COL4A2: variants seen among roughly 807,000 people sequenced by gnomAD.
The protein encoded by COL4A2 is collagen type IV alpha 2 chain.
COL4A2 carries 99 observed loss-of-function variants against 200.2 expected under a neutral mutation model. The ratio of observed to expected loss-of-function variants is 0.49; its 90% CI spans 0.42 to 0.58. The LOEUF is 0.58. COL4A2 is among the 20% of genes least tolerant of loss of function. The probability of loss-of-function intolerance (pLI) is 0.00; values close to 1 mark genes in which losing one functional copy is unlikely to be tolerated. For missense variants in COL4A2, 1,950 were observed against 2,314.1 expected (o/e 0.84, Z 3.23); for synonymous variants, 897 against 900.6 (o/e 1.00, Z 0.07).
rs144904781 is a variant in COL4A2 at position 110,492,640 on chromosome 13, T to A, written c.3562+463T>A. 1.3e-4 allele frequency among the ~76,000 whole-genome samples: 20 copies of A among 152,310 alleles called. No individual in the cohort carries two copies. In the East Asian group the frequency reaches 3.3e-3, roughly 25 times the overall value. ...TTGCTGTGTCCTGCTTTAGAAATAT[T>A]TACCCTCAGAAATCCAGAGGGAATG... On this transcript the variant is annotated intron_variant, in intron 38 of 47. Coordinates refer to ENST00000360467, the MANE Select transcript of COL4A2 (RefSeq NM_001846.4).
At position 110,504,184 on chromosome 13, in the gene COL4A2, G is replaced by A; in HGVS notation, c.4322G>A (p.Gly1441Glu). 6.2e-7 allele frequency: 1 copy of A among 1,614,200 alleles called. No individual in the cohort carries two copies. The highest frequency in any genetic ancestry group is 2.2e-5 in the East Asian group (1 of 44,878). The change falls in exon 45 of 48, where the codon GGA (glycine) becomes GAA (glutamate). Residue 1441 changes from glycine to glutamate, a missense_variant. Physicochemically the swap from Gly to Glu is moderately conservative, Grantham distance 98. This residue lies in a region of COL4A2 where 1,385 missense variants were observed against 1,720.5 expected (regional missense o/e 0.80). Transcript: ENST00000360467. ...GCTCCAGGGAAAGCTGGGCCCCAAGGAAGAGGTGGTGTGTCTGCTGTTCCC... is the reference window on the plus strand; with the variant it reads ...GCTCCAGGGAAAGCTGGGCCCCAAGAAAGAGGTGGTGTGTCTGCTGTTCCC... ...RGAPGKAGPQGRGGVSAVPGF... is the reference protein window; with the variant it reads ...RGAPGKAGPQERGGVSAVPGF...
intron 4 of COL4A2, among the ~76,000 whole-genome samples, chr13:110,380,822 C>CA (rs1173726139): frequency 6.6e-6 from 1 of 151,466 alleles, no homozygotes; most frequent in African/African-American, 2.4e-5. Context: ...AACTCACACC[C>CA]ACGTGCTCTA....
chr13:110,378,020 C>T (rs117056412), intron 4 of COL4A2, among the ~76,000 whole-genome samples: 2,425 of 152,314 alleles, frequency 0.016, 27 homozygotes, highest in Non-Finnish European at 0.025. Context: ...GAATAACCCA[C>T]GGCTTGTAAG....
At chr13:110,351,136 C>T (rs1876938018) in intron 3 of COL4A2, among the ~76,000 whole-genome samples, 1 of 152,282 alleles carries the variant, frequency 6.6e-6, no homozygotes, top group East Asian at 1.9e-4. Context: ...GCAACCTCCA[C>T]CTCCCGGGCT....
At chr13:110,322,282 T>C (rs916185069) in intron 3 of COL4A2, among the ~76,000 whole-genome samples, 1 of 152,184 alleles carries the variant, frequency 6.6e-6, no homozygotes, top group Non-Finnish European at 1.5e-5. Flanking sequence ...TGTTTTGCTT[T>C]CTGGTAAACG....
intron 17 of COL4A2, among the ~76,000 whole-genome samples, chr13:110,446,481 G>A (rs925662915): frequency 2.6e-5 from 4 of 152,150 alleles, no homozygotes; most frequent in Non-Finnish European, 4.4e-5. Context: ...CAGGCGGCTC[G>A]GCTATCACTA....
At chr13:110,347,252 A>G (rs956640489) in intron 3 of COL4A2, among the ~76,000 whole-genome samples, 2 of 152,174 alleles carry the variant, frequency 1.3e-5, no homozygotes, top group African/African-American at 2.4e-5. Context: ...GGCTTAGACT[A>G]TGTTGGCTGG....
rs758260445 is a variant in COL4A2 at position 110,465,540 on chromosome 13, G to A, written c.1912G>A (p.Ala638Thr). ...LKGQRGFPGD[A>T]GLPGPPGFLG... ...AGGCCAACGTGGTTTCCCTGGAGAC[G>A]CCGGCTTACCTGGACCACCAGGCTT... The change falls in exon 25 of 48, where the codon GCC becomes ACC. Residue 638 changes from alanine to threonine, a missense_variant. By Grantham distance (58) the Ala-to-Thr change is moderately conservative. Around this residue, in one of 2 missense-constraint regions of COL4A2, gnomAD observed 1,385 missense variants for 1,720.5 expected, o/e 0.80. Transcript: ENST00000360467. The A allele has an allele frequency of 1.4e-5, 22 of 1,613,872 alleles. No individual in the cohort carries two copies. Among genetic ancestry groups the A allele is most frequent in the African/African-American group, 2.7e-5 (2 of 74,920 alleles).
chr13:110,438,062 C>A, intron 14 of COL4A2, 25 bp downstream of exon 14: 1 of 1,608,826 alleles, frequency 6.2e-7, no homozygotes. Flanking sequence ...GAGCATGCCC[C>A]CTCCCCTGTG....
intron 3 of COL4A2, among the ~76,000 whole-genome samples, chr13:110,321,245 G>C (rs564986253): frequency 3.5e-5 from 5 of 141,620 alleles, no homozygotes; most frequent in African/African-American, 1.5e-4. Context: ...CACACACATA[G>C]AGAGTGTACA....
intron 40 of COL4A2, among the ~76,000 whole-genome samples, chr13:110,496,020 C>T (rs887810104): frequency 5.3e-5 from 8 of 152,176 alleles, no homozygotes; most frequent in African/African-American, 1.9e-4. Context: ...GAGCCCACAG[C>T]CCCAGAGTCT....
Position 110,307,317 on chromosome 13 carries a change from T to C in COL4A2, c.-256T>C, listed in dbSNP as rs1884796462. On this transcript the variant is annotated 5_prime_UTR_variant, in exon 1 of 48. Transcript: ENST00000360467. The surrounding 1 kb of genome is among the most constrained non-coding windows in gnomAD (Gnocchi z 5.0). Reference sequence around the variant, plus strand: ...CTGCAGTGCGCCGGGACACCAGGGCTCCGCGCTCCGCACTCAAGAGGCTCC... The same window carrying C: ...CTGCAGTGCGCCGGGACACCAGGGCCCCGCGCTCCGCACTCAAGAGGCTCC... 6.0e-6 allele frequency: 2 copies of C among 331,184 alleles called. No homozygotes were observed. Among genetic ancestry groups the C allele is most frequent in the Admixed American group, 5.1e-5 (1 of 19,750 alleles). 20.5% of individuals were successfully genotyped at this position (331,184 alleles called of 1,614,324 possible).
At chr13:110,446,915 C>T (rs768121064) in intron 18 of COL4A2, 51 bp downstream of exon 18, 4 of 1,477,900 alleles carry the variant, frequency 2.7e-6, no homozygotes, top group Middle Eastern at 1.8e-4. Flanking sequence ...CACATTCTCT[C>T]CTGTTAGGGA....
At chr13:110,408,804 CATAT>C (rs66769739) in intron 4 of COL4A2, among the ~76,000 whole-genome samples, 4 of 122,346 alleles carry the variant, frequency 3.3e-5, no homozygotes, top group African/African-American at 1.4e-4. Flanking sequence ...CACACGCACA[CATAT>C]ATATACACAC....
chr13:110,350,674 G>T (rs867042386), intron 3 of COL4A2, among the ~76,000 whole-genome samples: 2 of 152,164 alleles, frequency 1.3e-5, no homozygotes, highest in Non-Finnish European at 2.9e-5. Flanking sequence ...ATGCCCATCC[G>T]ACCACCTAGT....
chr13:110,468,022 C>A, intron 27 of COL4A2: 1 of 402,186 alleles, frequency 2.5e-6, no homozygotes, highest in Non-Finnish European at 5.2e-6. Context: ...ATAGTGCAGA[C>A]AGGTGTTCTA....
intron 4 of COL4A2, among the ~76,000 whole-genome samples, chr13:110,422,160 G>A (rs538903388): frequency 6.6e-6 from 1 of 152,158 alleles, no homozygotes; most frequent in African/African-American, 2.4e-5. Context: ...CAAACCGCAG[G>A]CCTCAACATA....
chr13:110,419,506 C>T (rs1880164813), intron 4 of COL4A2, among the ~76,000 whole-genome samples: 1 of 152,228 alleles, frequency 6.6e-6, no homozygotes, highest in South Asian at 2.1e-4. Flanking sequence ...TTGTTTAAGT[C>T]TGAAGCTGTA....
At chr13:110,336,454 A>G (rs1876194656) in intron 3 of COL4A2, among the ~76,000 whole-genome samples, 1 of 152,222 alleles carries the variant, frequency 6.6e-6, no homozygotes, top group African/African-American at 2.4e-5. Flanking sequence ...GTGGGATAAC[A>G]ATAGCGGCCG....
Sources: allele counts gnomAD v4.1 joint callset (sites outside exome capture counted in the v4.1 genomes callset), GRCh38; gene constraint gnomAD v4.1.1; regional missense constraint gnomAD v4.1.1; non-coding constraint Gnocchi (gnomAD v3.1); transcripts MANE v1.5; gene names NCBI Gene and HGNC (gene_info 2026-07-23, HGNC 2026-07-21).